The following GNA14 variants were observed in gnomAD, a reference collection of about 807,000 sequenced individuals.
GNA14 encodes the protein G protein subunit alpha 14.
In GNA14, 50 loss-of-function variants were observed where a neutral mutation model predicts 42.0. The observed-to-expected ratio is 1.19, with a 90% CI of 0.95 to 1.51. The LOEUF is 1.51. GNA14 is among the 40% of genes most tolerant of loss of function. The pLI is 0.00. For missense variants in GNA14, 473 were observed against 446.2 expected (o/e 1.06, Z -0.54); for synonymous variants, 173 against 163.1 (o/e 1.06, Z -0.46).
rs575325819 is a variant in GNA14 at position 77,623,613 on chromosome 9, C to T, written c.124+24057G>A. Reference sequence around the variant, plus strand: ...GATTGGTTAGAGTGGGTGCAACGCACGGAGAGTGAGCCAAAGCAGGGTGGG... The same window carrying T: ...GATTGGTTAGAGTGGGTGCAACGCATGGAGAGTGAGCCAAAGCAGGGTGGG... On this transcript the variant is annotated intron_variant, in intron 1 of 6. Coordinates refer to ENST00000341700, the MANE Select transcript of GNA14 (RefSeq NM_004297.4). Among the ~76,000 whole-genome samples, 30 of 152,232 alleles carry T rather than the reference C, an allele frequency of 2.0e-4. No individual in the cohort carries two copies. The East Asian group carries it at 4.8e-3, about 25-fold the overall frequency.
intron 2 of GNA14, among the ~76,000 whole-genome samples, chr9:77,467,630 G>T (rs541578290): frequency 2.8e-5 from 4 of 143,656 alleles, no homozygotes; most frequent in Non-Finnish European, 6.0e-5. Flanking sequence ...TTACTCCTCT[G>T]GCAGAACTGC....
intron 2 of GNA14, chr9:77,526,709 T>G (rs1031545211): frequency 6.6e-6 from 1 of 152,132 alleles, no homozygotes; most frequent in African/African-American, 2.4e-5. Flanking sequence ...TCAACCTTGG[T>G]TTTGGCCCTT....
At chr9:77,477,035 T>C (rs1157588123) in intron 2 of GNA14, among the ~76,000 whole-genome samples, 4 of 152,044 alleles carry the variant, frequency 2.6e-5, no homozygotes, top group Non-Finnish European at 4.4e-5. Context: ...AGGCACCAAG[T>C]ATAGTTTAAG....
rs76329164 is a variant in GNA14 at position 77,423,887 on chromosome 9, G to A, written c.*92C>T. ...TGACATCCTTAGTTCCTGGCATGGG[G>A]CTGGCTCTGGTGATGTCAGAAGCAC... On this transcript the variant is annotated 3_prime_UTR_variant, in exon 7 of 7. Transcript: ENST00000341700. The A allele has an allele frequency of 0.056, 44,745 of 799,306 alleles. 1,459 individuals carry two copies. The highest frequency in any genetic ancestry group is 0.096 in the Middle Eastern group (328 of 3,428). 49.5% of individuals were successfully genotyped at this position (799,306 alleles called of 1,614,324 possible).
chr9:77,603,850 G>A (rs1160266877), intron 1 of GNA14, among the ~76,000 whole-genome samples: 7 of 150,000 alleles, frequency 4.7e-5, no homozygotes, highest in South Asian at 2.1e-4. Flanking sequence ...AGGCTGAGGC[G>A]GGAGAATGGT....
At chr9:77,433,701 G>T (rs1835595628) in intron 3 of GNA14, among the ~76,000 whole-genome samples, 1 of 152,208 alleles carries the variant, frequency 6.6e-6, no homozygotes, top group Admixed American at 6.5e-5. Context: ...CAGTTTGCAT[G>T]CTGGGACATC....
intron 2 of GNA14, among the ~76,000 whole-genome samples, chr9:77,515,225 T>A (rs2131753857): frequency 1.3e-5 from 2 of 152,306 alleles, no homozygotes; most frequent in East Asian, 3.9e-4. Flanking sequence ...GCACTGCAGC[T>A]ACAAAGGTGG....
At chr9:77,633,705 T>C (rs922367322) in intron 1 of GNA14, among the ~76,000 whole-genome samples, 1 of 151,630 alleles carries the variant, frequency 6.6e-6, no homozygotes. Flanking sequence ...TTTGGTGAGC[T>C]GTCTGGCTCT....
At chr9:77,576,025 A>G (rs1213593458) in intron 1 of GNA14, among the ~76,000 whole-genome samples, 1 of 152,242 alleles carries the variant, frequency 6.6e-6, no homozygotes, top group Non-Finnish European at 1.5e-5. Flanking sequence ...CAATGAATTT[A>G]TTAGTAACCA....
chr9:77,514,297 C>T (rs1056810575), intron 2 of GNA14, among the ~76,000 whole-genome samples: 1 of 152,146 alleles, frequency 6.6e-6, no homozygotes, highest in Non-Finnish European at 1.5e-5. Flanking sequence ...CAGCTGAGCA[C>T]GTCCTCTGAG....
chr9:77,519,142 G>A (rs1837309708), intron 2 of GNA14, among the ~76,000 whole-genome samples: 1 of 152,184 alleles, frequency 6.6e-6, no homozygotes, highest in African/African-American at 2.4e-5. Flanking sequence ...CGGACAAGGT[G>A]GCTCATACCT....
At chr9:77,603,414 T>C (rs1823597773) in intron 1 of GNA14, among the ~76,000 whole-genome samples, 2 of 152,096 alleles carry the variant, frequency 1.3e-5, no homozygotes, top group Non-Finnish European at 2.9e-5. Context: ...CCTTACATGT[T>C]TTAGGAATGA....
chr9:77,568,502 A>G (rs112464221), intron 1 of GNA14, among the ~76,000 whole-genome samples: 7,131 of 151,494 alleles, frequency 0.047, 190 homozygotes, highest in African/African-American at 0.059. Flanking sequence ...AAAAAAAAAA[A>G]AAAGAAAGAA....
chr9:77,473,162 T>A (rs1229410779), intron 2 of GNA14, among the ~76,000 whole-genome samples: 1 of 152,092 alleles, frequency 6.6e-6, no homozygotes, highest in African/African-American at 2.4e-5. Context: ...TGGAAGAAAT[T>A]AAAGAAGACT....
chr9:77,556,642 C>A (rs972553713), intron 1 of GNA14, among the ~76,000 whole-genome samples: 1 of 152,152 alleles, frequency 6.6e-6, no homozygotes, highest in African/African-American at 2.4e-5. Context: ...AGTTCTCCCC[C>A]TCCTCTCTCA....
intron 2 of GNA14, among the ~76,000 whole-genome samples, chr9:77,463,762 A>T (rs974345188): frequency 2.8e-4 from 40 of 142,712 alleles, no homozygotes; most frequent in Non-Finnish European, 3.2e-4. Flanking sequence ...ACCCCCACCA[A>T]GGACAGGAAA....
intron 2 of GNA14, among the ~76,000 whole-genome samples, chr9:77,454,406 T>G (rs1335044108): frequency 6.6e-6 from 1 of 152,186 alleles, no homozygotes; most frequent in Non-Finnish European, 1.5e-5. Flanking sequence ...GCTCGCTGTG[T>G]GCATCTTGGC....
chr9:77,621,712 C>G (rs1330432979), intron 1 of GNA14, among the ~76,000 whole-genome samples: 1 of 152,146 alleles, frequency 6.6e-6, no homozygotes, highest in Non-Finnish European at 1.5e-5. Context: ...CATGAGCTAC[C>G]TGTAGACCAT....
At chr9:77,622,908 AG>A (rs1204819672) in intron 1 of GNA14, among the ~76,000 whole-genome samples, 17 of 133,200 alleles carry the variant, frequency 1.3e-4, no homozygotes, top group Admixed American at 1.5e-4. Context: ...AAAAAAAAAA[AG>A]AAAAATTTTT....
Sources: allele counts gnomAD v4.1 joint callset (sites outside exome capture counted in the v4.1 genomes callset), GRCh38; gene constraint gnomAD v4.1.1; transcripts MANE v1.5; gene names NCBI Gene and HGNC (gene_info 2026-07-23, HGNC 2026-07-21).